The following GABBR2 variants were observed in gnomAD, a reference collection of about 807,000 sequenced individuals.
The protein encoded by GABBR2 is G-protein coupled receptor 51.
A neutral mutation model predicts 105.6 loss-of-function variants in GABBR2; 23 were observed. That is an observed-to-expected ratio of 0.22 (90% CI 0.16 to 0.31). The LOEUF is 0.31. GABBR2 is among the 10% of genes least tolerant of loss of function. The pLI, the probability that GABBR2 is intolerant of heterozygous loss-of-function variation, is 1.00. For synonymous variants in GABBR2, 478 were observed against 499.7 expected (o/e 0.96, Z 0.58); for missense variants, 734 against 1,245.5 (o/e 0.59, Z 6.18).
At chr9:98,688,921 G>A (rs1271872531) in intron 1 of GABBR2, among the ~76,000 whole-genome samples, 4 of 152,168 alleles carry the variant, frequency 2.6e-5, no homozygotes, top group East Asian at 1.9e-4. Flanking sequence ...GAAAGAGCCC[G>A]ATCTGAGCCA....
At chr9:98,604,001 G>A (rs971475097) in intron 1 of GABBR2, among the ~76,000 whole-genome samples, 1 of 152,192 alleles carries the variant, frequency 6.6e-6, no homozygotes. Flanking sequence ...TTTTTAAGTA[G>A]CTCTGTTTGG....
chr9:98,411,479 A>G (rs186413862), intron 7 of GABBR2, among the ~76,000 whole-genome samples: 4 of 152,338 alleles, frequency 2.6e-5, no homozygotes, highest in Admixed American at 2.6e-4. Context: ...AAATGAGAAT[A>G]GCCAGGGATG....
intron 9 of GABBR2, among the ~76,000 whole-genome samples, chr9:98,391,705 T>A (rs1451813825): frequency 6.6e-6 from 1 of 152,136 alleles, no homozygotes; most frequent in African/African-American, 2.4e-5. Flanking sequence ...GTTGAGGAAC[T>A]GTAAGCAGTT....
At chr9:98,523,621 G>A (rs1827906967) in intron 3 of GABBR2, among the ~76,000 whole-genome samples, 1 of 152,214 alleles carries the variant, frequency 6.6e-6, no homozygotes. Flanking sequence ...TAGATCTACA[G>A]GAGGGGCTTG....
chr9:98,464,125 C>T (rs889153541), intron 6 of GABBR2, among the ~76,000 whole-genome samples: 19 of 151,044 alleles, frequency 1.3e-4, no homozygotes, highest in Non-Finnish European at 1.8e-4. Flanking sequence ...CCCCTCTGCC[C>T]GGCCGCCCCG....
intron 1 of GABBR2, among the ~76,000 whole-genome samples, chr9:98,648,114 T>TAGATAGATA (rs1345087108): frequency 0.022 from 2,218 of 101,930 alleles, 25 homozygotes; most frequent in African/African-American, 0.03. Context: ...TGTGTGTGTG[T>TAGATAGATA]GTATAGATAG....
intron 13 of GABBR2, among the ~76,000 whole-genome samples, chr9:98,342,017 G>A (rs1274449020): frequency 6.6e-6 from 1 of 152,072 alleles, no homozygotes; most frequent in Non-Finnish European, 1.5e-5. Flanking sequence ...TGGGTGCTGG[G>A]GACACACAGA....
intron 8 of GABBR2, among the ~76,000 whole-genome samples, chr9:98,403,939 T>C (rs929691406): frequency 6.6e-6 from 1 of 152,030 alleles, no homozygotes; most frequent in Non-Finnish European, 1.5e-5. Context: ...AGTGAGGAAG[T>C]GACTGGATCT....
chr9:98,513,710 C>T (rs1230740743), intron 3 of GABBR2, among the ~76,000 whole-genome samples: 2 of 152,042 alleles, frequency 1.3e-5, no homozygotes, highest in Admixed American at 6.6e-5. Context: ...CAATGAGATA[C>T]CATCTCACAC....
At chr9:98,436,829 G>A (rs1021635077) in intron 7 of GABBR2, among the ~76,000 whole-genome samples, 1 of 152,158 alleles carries the variant, frequency 6.6e-6, no homozygotes, top group South Asian at 2.1e-4. Flanking sequence ...GTGTGATGAT[G>A]TTTGAAAATA....
chr9:98,484,996 G>A (rs1390865491), intron 4 of GABBR2, among the ~76,000 whole-genome samples: 2 of 152,182 alleles, frequency 1.3e-5, no homozygotes, highest in Non-Finnish European at 2.9e-5. Context: ...CAGTAGTAGG[G>A]GGTAGGGAGG....
chr9:98,418,007 G>A lies in GABBR2; in HGVS notation c.1237-11866C>T, dbSNP rs548838547. On this transcript the variant is annotated intron_variant, in intron 7 of 18. Transcript: ENST00000259455. ...TGTGGGTGGTGTGCATGGGGTGGAG[G>A]GCTGGTGGGAGGCAGAGAATGCAGG... Among the ~76,000 whole-genome samples the A allele has an allele frequency of 4.6e-5, 7 of 152,244 alleles. No individual in the cohort carries two copies. In the South Asian group the frequency reaches 1.0e-3, roughly 23 times the overall value.
chr9:98,533,365 G>A (rs2131729677), intron 3 of GABBR2, among the ~76,000 whole-genome samples: 1 of 152,204 alleles, frequency 6.6e-6, no homozygotes, highest in East Asian at 1.9e-4. Flanking sequence ...CAGGCAGGAG[G>A]CAGTCAAGAG....
intron 13 of GABBR2, among the ~76,000 whole-genome samples, chr9:98,342,003 G>T (rs998311426): frequency 6.6e-6 from 1 of 152,154 alleles, no homozygotes; most frequent in African/African-American, 2.4e-5. Flanking sequence ...CCAGGCACTG[G>T]TGGTGGGTGC....
rs59111185 is a variant in GABBR2 at position 98,480,208 on chromosome 9, G to T, written c.798+724C>A. Among the ~76,000 whole-genome samples, 1,353 of 152,292 alleles carry T rather than the reference G, an allele frequency of 8.9e-3. 12 individuals carry two copies. Among genetic ancestry groups the T allele is most frequent in the African/African-American group, 0.031 (1,306 of 41,556 alleles). ...ATTTTGTTGACTTTTCTCCTGACAT[G>T]ATGGGGAGGATTGGGAGCTGGGACA... On this transcript the variant is annotated intron_variant, in intron 5 of 18. Transcript: ENST00000259455.
intron 8 of GABBR2, among the ~76,000 whole-genome samples, chr9:98,397,177 C>G (rs939713124): frequency 6.6e-6 from 1 of 152,218 alleles, no homozygotes; most frequent in Admixed American, 6.5e-5. Context: ...TACTGCATGC[C>G]AGGCTCAGCT....
At chr9:98,493,793 T>G (rs1827223980) in intron 4 of GABBR2, among the ~76,000 whole-genome samples, 1 of 152,222 alleles carries the variant, frequency 6.6e-6, no homozygotes, top group Non-Finnish European at 1.5e-5. Flanking sequence ...GACTTGGTAT[T>G]TCATTCACAC....
At chr9:98,366,961 C>T (rs1831687898) in intron 12 of GABBR2, among the ~76,000 whole-genome samples, 1 of 151,792 alleles carries the variant, frequency 6.6e-6, no homozygotes, top group African/African-American at 2.4e-5. Context: ...TAGTATGAGG[C>T]AAAATAAAGA....
At chr9:98,667,552 C>T (rs1588275682) in intron 1 of GABBR2, among the ~76,000 whole-genome samples, 1 of 152,146 alleles carries the variant, frequency 6.6e-6, no homozygotes, top group Non-Finnish European at 1.5e-5. Context: ...GACCCAACAC[C>T]CTTGCCTTGA....
Sources: allele counts gnomAD v4.1 joint callset (sites outside exome capture counted in the v4.1 genomes callset), GRCh38; gene constraint gnomAD v4.1.1; transcripts MANE v1.5; gene names NCBI Gene and HGNC (gene_info 2026-07-23, HGNC 2026-07-21).